CHST11: variants seen among roughly 807,000 people sequenced by gnomAD.
CHST11 encodes C4S-1.
A neutral mutation model predicts 30.4 loss-of-function variants in CHST11; 9 were observed. The ratio of observed to expected loss-of-function variants is 0.30; its 90% CI spans 0.18 to 0.52. The LOEUF is 0.52. Among genes scored for constraint, CHST11 ranks in the 20% least tolerant of loss-of-function variants. CHST11 has a pLI of 0.97. For synonymous variants in CHST11, 152 were observed against 187.8 expected (o/e 0.81, Z 1.56); for missense variants, 348 against 460.6 (o/e 0.76, Z 2.24).
intron 1 of CHST11, among the ~76,000 whole-genome samples, chr12:104,515,134 A>G (rs1330562573): frequency 6.6e-6 from 1 of 152,238 alleles, no homozygotes; most frequent in Non-Finnish European, 1.5e-5. Context: ...GGAAAAAAAA[A>G]TCAAAAGAAG....
intron 2 of CHST11, among the ~76,000 whole-genome samples, chr12:104,668,551 T>A (rs1317291026): frequency 6.6e-6 from 1 of 152,186 alleles, no homozygotes; most frequent in Non-Finnish European, 1.5e-5. Flanking sequence ...GTTTATCTTA[T>A]CTGGGGCTGG....
intron 1 of CHST11, among the ~76,000 whole-genome samples, chr12:104,528,244 T>A (rs12321380): frequency 6.6e-6 from 1 of 152,178 alleles, no homozygotes; most frequent in African/African-American, 2.4e-5. Flanking sequence ...CACAACATCC[T>A]TTCAGGTAAG....
At chr12:104,645,738 A>G (rs550382498) in intron 2 of CHST11, among the ~76,000 whole-genome samples, 25 of 152,140 alleles carry the variant, frequency 1.6e-4, no homozygotes, top group African/African-American at 6.0e-4. Flanking sequence ...TTAAAAGGAA[A>G]TTAAACTAGG....
intron 2 of CHST11, among the ~76,000 whole-genome samples, chr12:104,741,452 T>C (rs1342129055): frequency 3.9e-5 from 6 of 152,238 alleles, no homozygotes; most frequent in African/African-American, 1.2e-4. Context: ...TCGGGTATTG[T>C]TAAAACATGC....
chr12:104,529,118 G>A (rs948423196), intron 1 of CHST11, among the ~76,000 whole-genome samples: 3 of 152,216 alleles, frequency 2.0e-5, no homozygotes, highest in Admixed American at 2.0e-4. Flanking sequence ...CTCTGCCTGA[G>A]CTTCCCTGAG....
chr12:104,478,178 G>A (rs778674586), intron 1 of CHST11, among the ~76,000 whole-genome samples: 8 of 152,038 alleles, frequency 5.3e-5, no homozygotes, highest in Admixed American at 2.0e-4. Context: ...ATTGCTGATC[G>A]TTACACACAC....
chr12:104,710,415 G>T (rs1375523794), intron 2 of CHST11, among the ~76,000 whole-genome samples: 1 of 152,118 alleles, frequency 6.6e-6, no homozygotes, highest in East Asian at 1.9e-4. Context: ...GCTCTCTGGG[G>T]AATCAGTTTC....
At chr12:104,469,932 T>C (rs558938387) in intron 1 of CHST11, among the ~76,000 whole-genome samples, 1 of 152,364 alleles carries the variant, frequency 6.6e-6, no homozygotes, top group African/African-American at 2.4e-5. Context: ...TTTCTATCTT[T>C]TTAAGCACCC....
In CHST11 at chr12:104,757,975, T is replaced by A. The variant is rs2040494287; in HGVS notation, c.*172T>A. On this transcript the variant is annotated 3_prime_UTR_variant, in exon 3 of 3. Coordinates refer to ENST00000303694, the MANE Select transcript of CHST11 (RefSeq NM_018413.6). This position sits in a 1 kb window ranked among gnomAD's most constrained non-coding sequence, Gnocchi z 6.5. ...CTTCGTAGGGAAGGACAGCTGTCTT[T>A]GCAGGGGAAATAGGATGGGTCGTCC... The A allele has an allele frequency of 2.8e-6, 2 of 714,398 alleles. No homozygotes were observed. Among genetic ancestry groups the A allele is most frequent in the South Asian group, 4.0e-5 (2 of 50,546 alleles). 44.3% of individuals were successfully genotyped at this position (714,398 alleles called of 1,614,324 possible).
At chr12:104,579,740 C>T (rs1047027250) in intron 1 of CHST11, among the ~76,000 whole-genome samples, 4 of 152,182 alleles carry the variant, frequency 2.6e-5, no homozygotes, top group Non-Finnish European at 4.4e-5. Context: ...ATCTGTTGCC[C>T]GCTCTAATTG....
chr12:104,668,172 C>T (rs138045605), intron 2 of CHST11, among the ~76,000 whole-genome samples: 35 of 152,178 alleles, frequency 2.3e-4, no homozygotes, highest in African/African-American at 7.7e-4. Flanking sequence ...AAAGTGAGGA[C>T]AGTATTTATG....
chr12:104,671,774 C>CT (rs1017939756), intron 2 of CHST11, among the ~76,000 whole-genome samples: 8 of 152,268 alleles, frequency 5.3e-5, no homozygotes, highest in Admixed American at 6.5e-5. Flanking sequence ...GTCTCTCTCT[C>CT]CTCCCCGCCC....
chr12:104,752,741 G>A (rs1030665122), intron 2 of CHST11, among the ~76,000 whole-genome samples: 3 of 152,114 alleles, frequency 2.0e-5, no homozygotes, highest in Admixed American at 6.6e-5. Context: ...GTTGGCCAGG[G>A]TGGTCTCACA....
In CHST11 at chr12:104,670,749, C is replaced by T. The variant is rs117919611; in HGVS notation, c.204+68758C>T. ...TATACACACACACTCCCACACATAC[C>T]CCTCACATACACAAACCAATACACA... On this transcript the variant is annotated intron_variant, in intron 2 of 2. Transcript: ENST00000303694. Among the ~76,000 whole-genome samples, 902 of 150,568 alleles carry T rather than the reference C, an allele frequency of 6.0e-3. 3 individuals are homozygous for T. The highest frequency in any genetic ancestry group is 0.021 in the Middle Eastern group (6 of 292).
At chr12:104,541,958 C>T (rs1592753591) in intron 1 of CHST11, among the ~76,000 whole-genome samples, 1 of 152,340 alleles carries the variant, frequency 6.6e-6, no homozygotes, top group South Asian at 2.1e-4. Context: ...AGTTGCTATA[C>T]CAGAGGTAAT....
intron 2 of CHST11, among the ~76,000 whole-genome samples, chr12:104,641,986 G>A (rs370436451): frequency 6.6e-6 from 1 of 152,326 alleles, no homozygotes; most frequent in African/African-American, 2.4e-5. Flanking sequence ...GAGCTGGGGA[G>A]CTGCTACTGT....
At chr12:104,688,465 T>C (rs2039868798) in intron 2 of CHST11, among the ~76,000 whole-genome samples, 1 of 152,222 alleles carries the variant, frequency 6.6e-6, no homozygotes, top group Non-Finnish European at 1.5e-5. Context: ...CAAGAGCCCC[T>C]GAGCCTACTG....
At chr12:104,604,467 T>C (rs906848319) in intron 2 of CHST11, among the ~76,000 whole-genome samples, 2 of 152,208 alleles carry the variant, frequency 1.3e-5, no homozygotes, top group Admixed American at 6.5e-5. Flanking sequence ...CCCACGCAAG[T>C]TCAGTAAGTG....
intron 1 of CHST11, chr12:104,588,941 G>A (rs1013161379): frequency 1.3e-5 from 2 of 152,222 alleles, no homozygotes; most frequent in African/African-American, 4.8e-5. Flanking sequence ...TGAATGAATA[G>A]TGGTATGTAT....
Sources: gnomAD v4.1 joint callset for allele counts (sites outside exome capture counted in the v4.1 genomes callset) on GRCh38, gnomAD v4.1.1 for gene constraint, Gnocchi (gnomAD v3.1) non-coding constraint, MANE v1.5 for transcripts, NCBI Gene and HGNC (gene_info 2026-07-23, HGNC 2026-07-21) for gene names.